SPTBN5: variants seen among roughly 807,000 people sequenced by gnomAD.
The protein encoded by SPTBN5 is spectrin beta chain, non-erythrocytic 5.
In SPTBN5, 513 loss-of-function variants were observed where a neutral mutation model predicts 477.6. The ratio of observed to expected loss-of-function variants is 1.07; its 90% CI spans 1.00 to 1.16. The LOEUF is 1.16. Ranked by LOEUF, SPTBN5 falls within the 50% of genes most tolerant of loss-of-function variation. SPTBN5 has a pLI of 0.00. For missense variants in SPTBN5, 5,062 were observed against 4,731.8 expected, an observed-to-expected ratio of 1.07 and a Z score of -2.05; for synonymous variants, 2,169 against 2,011.7, an observed-to-expected ratio of 1.08 and a Z score of -2.09.
rs942393975 is a variant in SPTBN5, at chr15:41,856,296, C to T, written c.9021+90G>A. On this transcript the variant is annotated intron_variant, in intron 53 of 67. Coordinates refer to ENST00000320955, the MANE Select transcript of SPTBN5 (RefSeq NM_016642.4). ...CACTGAGTGGAGGAGACGAAAGGTG[C>T]CCAGGCCAGGAGCCCCGGAGTGACC... is the stretch of plus-strand genomic sequence containing the variant. 2.4e-6 allele frequency: 3 copies of T among 1,229,740 alleles called. No homozygotes were observed. In the South Asian group the frequency reaches 5.0e-5, roughly 20 times the overall value. 76.2% of individuals were successfully genotyped at this position (1,229,740 alleles called of 1,614,324 possible). A position where few individuals can be genotyped will look rare whatever the true frequency, so the allele number is the denominator to read the frequency against.
Position 41,848,462 on chromosome 15 carries a change from A to G in SPTBN5, c.*154T>C. 3 of 862,066 alleles carry G rather than the reference A, an allele frequency of 3.5e-6. No individual in the cohort carries two copies. The highest frequency in any genetic ancestry group is 5.9e-6 in the Non-Finnish European group (3 of 509,894). The allele number at this position is 862,066 out of a possible 1,614,324, so 53.4% of individuals were successfully genotyped here. A position where few individuals can be genotyped will look rare whatever the true frequency, so the allele number is the denominator to read the frequency against. Reference sequence around the variant, plus strand: ...GCCACATGGTAGGACCCATCTAACCAGAAGGAACTGTCTATTCCAGAAGCT... The same window carrying G: ...GCCACATGGTAGGACCCATCTAACCGGAAGGAACTGTCTATTCCAGAAGCT... On this transcript the variant is annotated 3_prime_UTR_variant, in exon 68 of 68. Transcript: ENST00000320955.
At position 41,886,199 on chromosome 15, in the gene SPTBN5, G is replaced by T. The variant is rs369712436; in HGVS notation, c.1056C>A (p.Arg352=). The T allele has an allele frequency of 1.9e-6, 3 of 1,612,938 alleles. No homozygotes were observed. Among genetic ancestry groups the T allele is most frequent in the African/African-American group, 2.7e-5 (2 of 74,956 alleles). The change falls in exon 7 of 68, where the codon CGC becomes CGA. Residue 352 remains arginine, a synonymous_variant. Transcript: ENST00000320955. Reference sequence around the variant, plus strand: ...GTAGCCGGGGTGGCTTCTCCTGGGTGCGGAAGATGGTGAATGCTGCCAGTA... The same window carrying T: ...GTAGCCGGGGTGGCTTCTCCTGGGTTCGGAAGATGGTGAATGCTGCCAGTA... ...RQLLAAFTIF[R]TQEKPPRLQQ...
chr15:41,865,241 TG>T (rs2066260302), intron 39 of SPTBN5, among the ~76,000 whole-genome samples: 1 of 151,954 alleles, frequency 6.6e-6, no homozygotes, highest in Non-Finnish European at 1.5e-5. Flanking sequence ...GGGGCGGGTG[TG>T]GGGTGAGAAG....
intron 48 of SPTBN5, 70 bp downstream of exon 48, chr15:41,858,820 G>T (rs1385792046): frequency 1.1e-5 from 17 of 1,555,562 alleles, no homozygotes; most frequent in Non-Finnish European, 1.4e-5. Flanking sequence ...ATACCCCAGA[G>T]GAAGGGTGGC....
At chr15:41,884,797 TC>T (rs1036449079) in intron 7 of SPTBN5, among the ~76,000 whole-genome samples, 22 of 152,138 alleles carry the variant, frequency 1.4e-4, no homozygotes, top group African/African-American at 5.3e-4. Flanking sequence ...TGCCACTTGT[TC>T]ACTTTGGCCA....
chr15:41,876,319 A>G (rs572909340), intron 20 of SPTBN5, 35 bp from the exon 21 acceptor site: 27 of 1,511,814 alleles, frequency 1.8e-5, no homozygotes, highest in Non-Finnish European at 2.2e-5. Flanking sequence ...GTCTCAGAGC[A>G]CGGTGGGTGG....
rs77253497 is a variant in SPTBN5, at chr15:41,883,665, C to T, written c.1521-179G>A. On this transcript the variant is annotated intron_variant, in intron 7 of 67. Coordinates refer to ENST00000320955, the MANE Select transcript of SPTBN5 (RefSeq NM_016642.4). ...CGGTGGTAGAGGCAGTGTGTCCTACCTTTGGACACATGCAGAGAAGCCAGA... is the reference window on the plus strand; with the variant it reads ...CGGTGGTAGAGGCAGTGTGTCCTACTTTTGGACACATGCAGAGAAGCCAGA... 6.1e-4 allele frequency among the ~76,000 whole-genome samples: 93 copies of T among 152,328 alleles called. No homozygotes were observed. In the East Asian group the frequency reaches 0.017, roughly 28 times the overall value.
intron 41 of SPTBN5, 44 bp from the exon 42 acceptor site, chr15:41,862,947 G>C (rs542163841): frequency 8.5e-6 from 13 of 1,527,732 alleles, no homozygotes; most frequent in Middle Eastern, 1.7e-4. Context: ...CCTTTGCTTC[G>C]GCTCCTCCTT....
At chr15:41,872,523 C>T in intron 26 of SPTBN5, 64 bp from the exon 27 acceptor site, 1 of 1,490,124 alleles carries the variant, frequency 6.7e-7, no homozygotes, top group Non-Finnish European at 9.0e-7. Flanking sequence ...CCTGTCCGTC[C>T]CCCACCCATC....
chr15:41,877,177 A>G lies in SPTBN5; in HGVS notation c.3650T>C (p.Val1217Ala), dbSNP rs984769172. 1.2e-6 allele frequency: 2 copies of G among 1,613,748 alleles called. No homozygotes were observed. The highest frequency in any genetic ancestry group is 1.7e-4 in the Middle Eastern group (1 of 6,060). ...GLELQKFGRE[V>A]DGFTATCANH... is the part of the protein sequence containing the mutation. ...GGCACAGGTGGCAGTGAAACCATCC[A>G]CTTCTCGGCCAAACTTCTGCAGCTC... Residue 1217 changes from valine (V) to alanine (A), a missense_variant, in exon 18 of 68, where the codon GTG becomes GCG. Val to Ala is a moderately conservative substitution (Grantham distance 64, BLOSUM62 0). Transcript: ENST00000320955.
In SPTBN5 at chr15:41,875,041, G is replaced by T. The variant is rs1048600223; in HGVS notation, c.4303C>A (p.Leu1435Met). ...LRQLQDAKEQLEQLEGALQSS... is the reference protein window; with the variant it reads ...LRQLQDAKEQMEQLEGALQSS... Reference sequence around the variant, plus strand: ...TGTAGGGCCCCTTCGAGCTGCTCCAGCTGCTCCTTTGCATCCTGGGAGGGA... The same window carrying T: ...TGTAGGGCCCCTTCGAGCTGCTCCATCTGCTCCTTTGCATCCTGGGAGGGA... The change falls in exon 23 of 68, where the codon CTG becomes ATG. Residue 1435 changes from leucine to methionine, a missense_variant. Leu to Met is a conservative substitution (Grantham distance 15, BLOSUM62 2). Coordinates refer to ENST00000320955, the MANE Select transcript of SPTBN5 (RefSeq NM_016642.4). 6.2e-7 allele frequency: 1 copy of T among 1,611,900 alleles called. No individual in the cohort carries two copies. The highest frequency in any genetic ancestry group is 2.2e-5 in the East Asian group (1 of 44,796).
At chr15:41,866,842 G>T in intron 36 of SPTBN5, 117 bp downstream of exon 36, 2 of 1,318,756 alleles carry the variant, frequency 1.5e-6, no homozygotes, top group Non-Finnish European at 2.0e-6. Flanking sequence ...CACAGCCTCT[G>T]GGAAAGCCAT....
intron 26 of SPTBN5, 73 bp from the exon 27 acceptor site, chr15:41,872,532 T>G: frequency 6.8e-7 from 1 of 1,465,712 alleles, no homozygotes; most frequent in Non-Finnish European, 9.2e-7. Context: ...CCCCCACCCA[T>G]CCAGTCACCA....
At chr15:41,879,531 C>G in intron 15 of SPTBN5, 32 bp from the exon 16 acceptor site, 2 of 1,529,400 alleles carry the variant, frequency 1.3e-6, no homozygotes, top group Non-Finnish European at 1.8e-6. Context: ...GTCTCCACAA[C>G]AGGGACACCT....
intron 42 of SPTBN5, 34 bp from the exon 43 acceptor site, chr15:41,862,694 G>A: frequency 1.3e-6 from 2 of 1,540,132 alleles, no homozygotes; most frequent in Non-Finnish European, 1.7e-6. Context: ...GGCTGGGGCA[G>A]GGGAGCTCTG....
chr15:41,889,974 GA>G, intron 4 of SPTBN5, 114 bp downstream of exon 4: 1 of 667,068 alleles, frequency 1.5e-6, no homozygotes, highest in Non-Finnish European at 2.7e-6. Context: ...CAGTTTCCAG[GA>G]TCTCCTATGG....
chr15:41,879,740 C>T lies in SPTBN5; in HGVS notation c.2936G>A (p.Ser979Asn). Reference protein sequence around the residue: ...TQIQRQQEELSQRWGQLEALK... With the variant: ...TQIQRQQEELNQRWGQLEALK... ...ACTCCTGCCTCATTCTCACCTCTGG[C>T]TCAGTTCCTCCTGCTGTCGTTGGAT... is the stretch of plus-strand genomic sequence containing the variant. The change falls in exon 15 of 68, where the codon AGC (serine) becomes AAC (asparagine). Residue 979 changes from serine to asparagine, a missense_variant. Transcript: ENST00000320955. 6.2e-7 allele frequency: 1 copy of T among 1,613,764 alleles called. No individual in the cohort carries two copies. Among genetic ancestry groups the T allele is most frequent in the Non-Finnish European group, 8.5e-7 (1 of 1,179,872 alleles).
chr15:41,855,674 A>G lies in SPTBN5; in HGVS notation c.9093T>C (p.Ala3031=), dbSNP rs2065911565. The G allele has an allele frequency of 2.5e-6, 4 of 1,605,406 alleles. No homozygotes were observed. Among genetic ancestry groups the G allele is most frequent in the South Asian group, 1.1e-5 (1 of 90,036 alleles). Residue 3031 remains alanine, a synonymous_variant, in exon 54 of 68, where the codon GCT becomes GCC. Transcript: ENST00000320955. ...VLDSEDMGHS[A]EATQALLRRL... ...GCCGCAGAAGGGCCTGTGTGGCTTC[A>G]GCACTGTGGCCCATGTCCTCGCTGT... is the stretch of plus-strand genomic sequence containing the variant.
rs1259935629 is a variant in SPTBN5 at position 41,862,909 on chromosome 15, G to A, written c.7150-6C>T. The A allele has an allele frequency of 1.3e-6, 2 of 1,564,144 alleles. No individual in the cohort carries two copies. Among genetic ancestry groups the A allele is most frequent in the East Asian group, 2.4e-5 (1 of 41,922 alleles). On this transcript the variant is annotated splice_polypyrimidine_tract_variant and splice_region_variant and intron_variant, in intron 41 of 67. Transcript: ENST00000320955. ...AGGGCCTGGATCAGGGCTTCCTGGA[G>A]GAGGGGCACGGCCAGTTACCTGCTG... is the stretch of plus-strand genomic sequence containing the variant.
Sources: allele counts gnomAD v4.1 joint callset (sites outside exome capture counted in the v4.1 genomes callset), GRCh38; gene constraint gnomAD v4.1.1; transcripts MANE v1.5; gene names NCBI Gene and HGNC (gene_info 2026-07-23, HGNC 2026-07-21).